BMPR1B: variants seen among roughly 807,000 people sequenced by gnomAD.
The protein encoded by BMPR1B is bone morphogenetic protein receptor type 1B, also known as bone morphogenetic protein receptor type-1B.
Under a neutral mutation model 59.1 loss-of-function variants are expected in BMPR1B, and 12 were observed. The observed-to-expected ratio is 0.20, with a 90% confidence interval of 0.13 to 0.33. The LOEUF (loss-of-function observed/expected upper bound fraction) is 0.33. Among genes scored for constraint, BMPR1B ranks in the 10% least tolerant of loss-of-function variants. The pLI is 1.00. For synonymous variants in BMPR1B, 237 were observed against 207.3 expected (o/e 1.14, Z -1.23); for missense variants, 550 against 610.9 (o/e 0.90, Z 1.05).
At chr4:94,947,572 C>T (rs746881213) in intron 2 of BMPR1B, among the ~76,000 whole-genome samples, 5 of 152,144 alleles carry the variant, frequency 3.3e-5, no homozygotes, top group East Asian at 1.9e-4. Flanking sequence ...CTTGTATACC[C>T]GTGTGATTGG....
At chr4:95,038,793 C>T (rs986376833) in intron 3 of BMPR1B, among the ~76,000 whole-genome samples, 3 of 152,102 alleles carry the variant, frequency 2.0e-5, no homozygotes, top group Non-Finnish European at 4.4e-5. Flanking sequence ...GAAGTGCTTC[C>T]ACTGTAAACT....
chr4:95,114,318 C>T (rs1441681549), intron 4 of BMPR1B, among the ~76,000 whole-genome samples: 1 of 152,110 alleles, frequency 6.6e-6, no homozygotes, highest in African/African-American at 2.4e-5. Flanking sequence ...GCCTCAGTTT[C>T]CTCATATAGA....
At chr4:94,988,878 G>T (rs1721569017) in intron 2 of BMPR1B, among the ~76,000 whole-genome samples, 1 of 151,912 alleles carries the variant, frequency 6.6e-6, no homozygotes, top group African/African-American at 2.4e-5. Flanking sequence ...AAAAGAAAAG[G>T]ATAAAAACAG....
chr4:95,136,465 GA>G (rs1733796177), intron 10 of BMPR1B, among the ~76,000 whole-genome samples: 1 of 152,108 alleles, frequency 6.6e-6, no homozygotes. Flanking sequence ...CTGTTGATTG[GA>G]ATAGTTTCAG....
intron 2 of BMPR1B, among the ~76,000 whole-genome samples, chr4:94,970,270 TC>T (rs1730724211): frequency 8.8e-6 from 1 of 113,520 alleles, no homozygotes; most frequent in African/African-American, 3.2e-5. Context: ...TCTTCTCTTC[TC>T]TTCTCTTCTC....
intron 2 of BMPR1B, among the ~76,000 whole-genome samples, chr4:94,893,635 A>C (rs1402832435): frequency 6.6e-6 from 1 of 151,964 alleles, no homozygotes; most frequent in Non-Finnish European, 1.5e-5. Flanking sequence ...TTCCTTATTC[A>C]ACACTCAGGA....
intron 2 of BMPR1B, among the ~76,000 whole-genome samples, chr4:94,887,399 C>A: frequency 7.7e-6 from 1 of 130,098 alleles, no homozygotes; most frequent in Non-Finnish European, 1.6e-5. Flanking sequence ...CCCCCACCCC[C>A]CACCAAAAAA....
At chr4:95,144,459 A>G (rs1269588499) in intron 10 of BMPR1B, among the ~76,000 whole-genome samples, 2 of 146,344 alleles carry the variant, frequency 1.4e-5, no homozygotes, top group African/African-American at 5.0e-5. Flanking sequence ...GATTACAGGC[A>G]TGAACCACCA....
chr4:94,827,283 T>G (rs1724417328), intron 1 of BMPR1B, among the ~76,000 whole-genome samples: 1 of 152,190 alleles, frequency 6.6e-6, no homozygotes, highest in Admixed American at 6.5e-5. Context: ...TAATGCCTTT[T>G]GAAAATCTCT....
At chr4:94,867,158 A>G (rs1186620641) in intron 1 of BMPR1B, among the ~76,000 whole-genome samples, 1 of 152,144 alleles carries the variant, frequency 6.6e-6, no homozygotes, top group African/African-American at 2.4e-5. Context: ...CCAAGAAACC[A>G]CTGTCTCTCA....
intron 2 of BMPR1B, among the ~76,000 whole-genome samples, chr4:94,991,299 C>G (rs1404421542): frequency 6.6e-6 from 1 of 152,130 alleles, no homozygotes; most frequent in Non-Finnish European, 1.5e-5. Context: ...ATCTCATGAC[C>G]TTGGGAGCCA....
chr4:94,822,688 C>T (rs1211703914), intron 1 of BMPR1B, among the ~76,000 whole-genome samples: 2 of 152,052 alleles, frequency 1.3e-5, no homozygotes, highest in African/African-American at 4.8e-5. Flanking sequence ...TCTAGCATGG[C>T]TTATTCAAAG....
chr4:94,935,434 T>C (rs1474314289), intron 2 of BMPR1B, among the ~76,000 whole-genome samples: 3 of 152,278 alleles, frequency 2.0e-5, no homozygotes, highest in African/African-American at 4.8e-5. Flanking sequence ...CTAGGCACCG[T>C]TGATAAAGTG....
chr4:94,877,413 G>T (rs1213751807), intron 2 of BMPR1B, among the ~76,000 whole-genome samples: 2 of 152,168 alleles, frequency 1.3e-5, no homozygotes, highest in African/African-American at 4.8e-5. Context: ...AGTTGGGATG[G>T]GGTTAGAGAA....
chr4:95,104,497 C>G lies in BMPR1B; in HGVS notation c.73C>G (p.Pro25Ala). Reference sequence around the variant, plus strand: ...GGATGGTGAGAGTACAGCCCCCACCCCCCGTCCAAAGGTCTTGCGTTGTAA... The same window carrying G: ...GGATGGTGAGAGTACAGCCCCCACCGCCCGTCCAAAGGTCTTGCGTTGTAA... ...KEDGESTAPT[P>A]RPKVLRCKCH... Residue 25 changes from proline (P) to alanine (A), a missense_variant, in exon 4 of 13, where the codon CCC becomes GCC. Coordinates refer to ENST00000515059, the MANE Select transcript of BMPR1B (RefSeq NM_001203.3). 1 of 1,613,452 alleles carries G rather than the reference C, an allele frequency of 6.2e-7. No individual in the cohort carries two copies. The highest frequency in any genetic ancestry group is 8.5e-7 in the Non-Finnish European group (1 of 1,179,648).
intron 1 of BMPR1B, among the ~76,000 whole-genome samples, chr4:94,790,670 A>C (rs183311031): frequency 6.6e-6 from 1 of 152,174 alleles, no homozygotes. Flanking sequence ...AGTTCTTGCT[A>C]TATCTTCCTA....
rs189271874 is a variant in BMPR1B at position 94,924,155 on chromosome 4, T to C, written c.-113+48255T>C. ...ATATGGCAACTATAGTTAGTTTTCT[T>C]CACTTTTTCTAGGACAAGCAAGATA... On this transcript the variant is annotated intron_variant, in intron 2 of 12. Coordinates refer to ENST00000515059, the MANE Select transcript of BMPR1B (RefSeq NM_001203.3). Among the ~76,000 whole-genome samples the C allele has an allele frequency of 3.0e-3, 456 of 152,296 alleles. 3 individuals are homozygous for C. The highest frequency in any genetic ancestry group is 6.8e-3 in the Middle Eastern group (2 of 294).
At chr4:94,942,798 A>AGAAT (rs1176274644) in intron 2 of BMPR1B, among the ~76,000 whole-genome samples, 1 of 152,232 alleles carries the variant, frequency 6.6e-6, no homozygotes, top group African/African-American at 2.4e-5. Flanking sequence ...GGCATAGGAT[A>AGAAT]GAATATGTTC....
chr4:94,864,301 G>T (rs925153115), intron 1 of BMPR1B, among the ~76,000 whole-genome samples: 1 of 152,048 alleles, frequency 6.6e-6, no homozygotes, highest in Non-Finnish European at 1.5e-5. Context: ...CTTCATGGTG[G>T]GTGGGAGATA....
Sources: allele counts gnomAD v4.1 joint callset (sites outside exome capture counted in the v4.1 genomes callset), GRCh38; gene constraint gnomAD v4.1.1; transcripts MANE v1.5; gene names NCBI Gene and HGNC (gene_info 2026-07-23, HGNC 2026-07-21).